Variants in LY9 observed in about 807,000 individuals in gnomAD.
The protein encoded by LY9 is T-lymphocyte surface antigen Ly-9.
A neutral mutation model predicts 64.6 loss-of-function variants in LY9; 59 were observed. The observed-to-expected ratio is 0.91, with a 90% CI of 0.74 to 1.13. LY9 has a LOEUF of 1.13. LY9 is among the 50% of genes most tolerant of loss of function. The pLI, the probability that LY9 is intolerant of heterozygous loss-of-function variation, is 0.00. For synonymous variants in LY9, 281 were observed against 308.5 expected, an observed-to-expected ratio of 0.91 and a Z score of 0.93; for missense variants, 789 against 797.2, an observed-to-expected ratio of 0.99 and a Z score of 0.12.
At chr1:160,796,580 G>T (rs1239169338) in intron 1 of LY9, among the ~76,000 whole-genome samples, 1 of 151,900 alleles carries the variant, frequency 6.6e-6, no homozygotes, top group African/African-American at 2.4e-5. Flanking sequence ...TTTAGTAGGG[G>T]CAGGGTTTCA....
At chr1:160,805,098 C>T (rs912105719) in intron 2 of LY9, among the ~76,000 whole-genome samples, 2 of 151,964 alleles carry the variant, frequency 1.3e-5, no homozygotes, top group Non-Finnish European at 2.9e-5. Context: ...CCTACTTCAT[C>T]GAGTTTTGCT....
intron 4 of LY9, among the ~76,000 whole-genome samples, chr1:160,816,146 C>T (rs929652672): frequency 6.6e-6 from 1 of 152,156 alleles, no homozygotes. Context: ...TTTAAAGTTG[C>T]TAACATTTAT....
Position 160,813,739 on chromosome 1 carries a change from T to A in LY9, c.558T>A (p.Ser186Arg), listed in dbSNP as rs1571019162. 6.2e-7 allele frequency: 1 copy of A among 1,614,136 alleles called. No homozygotes were observed. ...GCTCCGTGAAGGGGGCAGAGAAAAG[T>A]GTTCTGTACAGCTGGACCCCAAGGG... ...LMCSVKGAEK[S>R]VLYSWTPREP... Residue 186 changes from serine (S) to arginine (R), a missense_variant, in exon 3 of 10, where the codon AGT becomes AGA. By Grantham distance (110) the Ser-to-Arg change is moderately radical. Transcript: ENST00000263285.
Position 160,818,134 on chromosome 1 carries a change from G to A in LY9, c.1343-84G>A. 3 of 838,930 alleles carry A rather than the reference G, an allele frequency of 3.6e-6. No homozygotes were observed. The South Asian group carries it at 4.6e-5, about 13-fold the overall frequency. The allele number at this position is 838,930 out of a possible 1,614,324, so 52.0% of individuals were successfully genotyped here. On this transcript the variant is annotated intron_variant, in intron 5 of 9. Transcript: ENST00000263285. ...CGTCATGGATTTTAAGGGGCAGGTA[G>A]GATGGCCATCATGTTCTGTGCATTG...
At chr1:160,805,707 A>G (rs1666909832) in intron 2 of LY9, among the ~76,000 whole-genome samples, 1 of 150,884 alleles carries the variant, frequency 6.6e-6, no homozygotes, top group Admixed American at 6.6e-5. Context: ...GAAGTCCTCC[A>G]CTACTATTCT....
At chr1:160,816,257 C>T (rs1348370047) in intron 4 of LY9, among the ~76,000 whole-genome samples, 1 of 152,210 alleles carries the variant, frequency 6.6e-6, no homozygotes, top group Non-Finnish European at 1.5e-5. Flanking sequence ...GAAGGGTCTT[C>T]ACAGCACATG....
At chr1:160,802,625 T>G in intron 2 of LY9, 1 of 985,560 alleles carries the variant, frequency 1.0e-6, no homozygotes, top group Non-Finnish European at 1.2e-6. Flanking sequence ...CCATTTTATT[T>G]TTACACCAAT....
At chr1:160,821,358 T>C (rs1668433722) in intron 7 of LY9, among the ~76,000 whole-genome samples, 1 of 152,198 alleles carries the variant, frequency 6.6e-6, no homozygotes, top group South Asian at 2.1e-4. Context: ...TAACTTCACA[T>C]ATGGGAGCAA....
intron 2 of LY9, among the ~76,000 whole-genome samples, chr1:160,801,586 T>G (rs1443864719): frequency 2.0e-5 from 3 of 152,212 alleles, no homozygotes; most frequent in Non-Finnish European, 4.4e-5. Context: ...TTTGTTTTTG[T>G]TACCTGTGCT....
At chr1:160,814,188 G>A (rs575715378) in intron 3 of LY9, among the ~76,000 whole-genome samples, 15 of 152,242 alleles carry the variant, frequency 9.9e-5, no homozygotes, top group African/African-American at 3.1e-4. Context: ...AGGTGTTTCC[G>A]GGTACCCTCA....
chr1:160,802,007 C>G (rs1666536739), intron 2 of LY9: 1 of 1,516,036 alleles, frequency 6.6e-7, no homozygotes, highest in Non-Finnish European at 8.8e-7. Flanking sequence ...CCGATGGGAC[C>G]CTGCCAGGCC....
chr1:160,800,197 G>A (rs1666312193), intron 2 of LY9, 115 bp downstream of exon 2: 2 of 720,834 alleles, frequency 2.8e-6, no homozygotes, highest in East Asian at 2.6e-5. Flanking sequence ...TCAAGTCAGA[G>A]TTTTCAGTGT....
Position 160,823,455 on chromosome 1 carries a change from T to C in LY9, c.1499-10T>C, listed in dbSNP as rs769334661. ...GCATACTTTTATCAGCCCTGCACAA[T>C]GTGTTCCAGAACCCACAGCTGGCCA... On this transcript the variant is annotated splice_polypyrimidine_tract_variant and intron_variant, in intron 7 of 9. Coordinates refer to ENST00000263285, the MANE Select transcript of LY9 (RefSeq NM_002348.4). 1.3e-6 allele frequency: 2 copies of C among 1,599,748 alleles called. No individual in the cohort carries two copies. The highest frequency in any genetic ancestry group is 1.7e-5 in the Admixed American group (1 of 59,654).
intron 2 of LY9, among the ~76,000 whole-genome samples, chr1:160,804,203 T>G (rs1034136057): frequency 3.3e-5 from 5 of 152,232 alleles, no homozygotes; most frequent in African/African-American, 1.2e-4. Context: ...TTTTCCCCAT[T>G]TGGTACAATG....
At chr1:160,823,392 TG>T in intron 7 of LY9, 72 bp from the exon 8 acceptor site, 2 of 1,178,476 alleles carry the variant, frequency 1.7e-6, no homozygotes, top group Non-Finnish European at 2.4e-6. Context: ...CAGAGCAGGC[TG>T]GGGCCTTGCA....
At chr1:160,814,330 C>A in intron 3 of LY9, 90 bp from the exon 4 acceptor site, 1 of 981,904 alleles carries the variant, frequency 1.0e-6, no homozygotes, top group South Asian at 1.6e-5. Context: ...GGAGGAGGGA[C>A]TTCAGTCCCC....
In LY9 at chr1:160,827,924, G is replaced by A; in HGVS notation, c.*108G>A. On this transcript the variant is annotated 3_prime_UTR_variant, in exon 10 of 10. Coordinates refer to ENST00000263285, the MANE Select transcript of LY9 (RefSeq NM_002348.4). ...CAGAAGCACCTCAGAATTTCCTTCA[G>A]TGCCTCAGAGATGCCTGGATGTGGC... The A allele has an allele frequency of 1.2e-6, 1 of 804,126 alleles. No individual in the cohort carries two copies. Among genetic ancestry groups the A allele is most frequent in the East Asian group, 2.6e-5 (1 of 38,312 alleles). 49.8% of individuals were successfully genotyped at this position (804,126 alleles called of 1,614,324 possible). A position where few individuals can be genotyped will look rare whatever the true frequency, so the allele number is the denominator to read the frequency against.
At chr1:160,823,932 G>A (rs1466814887) in intron 8 of LY9, 136 bp downstream of exon 8, 3 of 788,230 alleles carry the variant, frequency 3.8e-6, no homozygotes, top group South Asian at 1.7e-5. Context: ...GGGACTCATG[G>A]CTGTGTCCAT....
At position 160,827,812 on chromosome 1, in the gene LY9, C is replaced by T; in HGVS notation, c.1964C>T (p.Thr655Ile). 1 of 1,605,410 alleles carries T rather than the reference C, an allele frequency of 6.2e-7. No homozygotes were observed. Among genetic ancestry groups the T allele is most frequent in the East Asian group, 2.3e-5 (1 of 43,896 alleles). Reference sequence around the variant, plus strand: ...GAAAGTCCTACCTATGAAAATTTCACCTGAAAGGAAAAGCAGCTGCTGCCT... The same window carrying T: ...GAAAGTCCTACCTATGAAAATTTCATCTGAAAGGAAAAGCAGCTGCTGCCT... The part of the protein sequence containing the change: ...IPESPTYENF[T>I] The change falls in exon 10 of 10, where the codon ACC becomes ATC. Residue 655 changes from threonine to isoleucine, a missense_variant. Coordinates refer to ENST00000263285, the MANE Select transcript of LY9 (RefSeq NM_002348.4).
Sources: gnomAD v4.1 joint callset for allele counts (sites outside exome capture counted in the v4.1 genomes callset) on GRCh38, gnomAD v4.1.1 for gene constraint, MANE v1.5 for transcripts, NCBI Gene and HGNC (gene_info 2026-07-23, HGNC 2026-07-21) for gene names.